UNC80: variants seen among roughly 807,000 people sequenced by gnomAD.
UNC80 encodes the protein unc-80 subunit of NALCN channel complex.
In UNC80, 164 loss-of-function variants were observed where a neutral mutation model predicts 384.6. The ratio of observed to expected loss-of-function variants is 0.43; its 90% CI spans 0.38 to 0.49. The LOEUF (loss-of-function observed/expected upper bound fraction) is 0.49, where lower values mean the gene tolerates loss of function less well. UNC80 is among the 20% of genes least tolerant of loss of function. The pLI, the probability that UNC80 is intolerant of heterozygous loss-of-function variation, is 0.00. For synonymous variants in UNC80, 1,486 were observed against 1,527.8 expected (o/e 0.97, Z 0.64); for missense variants, 3,330 against 4,143.0 (o/e 0.80, Z 5.39).
At chr2:209,830,425 A>G (rs1228583031) in intron 15 of UNC80, among the ~76,000 whole-genome samples, 1 of 152,192 alleles carries the variant, frequency 6.6e-6, no homozygotes, top group Non-Finnish European at 1.5e-5. Flanking sequence ...TTTTTAAACT[A>G]TTTGAGATAG....
intron 22 of UNC80, 21 bp downstream of exon 22, chr2:209,849,644 T>TC: frequency 6.5e-7 from 1 of 1,548,776 alleles, no homozygotes; most frequent in Non-Finnish European, 8.7e-7. Flanking sequence ...GAAAGAATTT[T>TC]CCCACCCTGC....
chr2:209,915,920 G>A (rs1376236927), intron 31 of UNC80, among the ~76,000 whole-genome samples: 2 of 151,978 alleles, frequency 1.3e-5, no homozygotes, highest in African/African-American at 2.4e-5. Flanking sequence ...TACTCAAGGT[G>A]GTGGATATTT....
At chr2:209,792,843 C>A (rs964852127) in intron 6 of UNC80, among the ~76,000 whole-genome samples, 33 of 152,288 alleles carry the variant, frequency 2.2e-4, no homozygotes, top group African/African-American at 7.7e-4. Flanking sequence ...CCTATACTTA[C>A]CTGTCTTGAG....
intron 20 of UNC80, among the ~76,000 whole-genome samples, chr2:209,841,357 T>TG (rs2081733782): frequency 6.6e-6 from 1 of 152,108 alleles, no homozygotes; most frequent in African/African-American, 2.4e-5. Context: ...TTGTTGTTGT[T>TG]TTTGTTTTGT....
intron 22 of UNC80, among the ~76,000 whole-genome samples, chr2:209,850,523 A>G (rs748305607): frequency 8.5e-5 from 13 of 152,130 alleles, no homozygotes; most frequent in Non-Finnish European, 1.6e-4. Flanking sequence ...AAGCCTTATA[A>G]TGTAATTCAT....
At chr2:209,880,537 T>C (rs1414987038) in intron 24 of UNC80, among the ~76,000 whole-genome samples, 1 of 152,226 alleles carries the variant, frequency 6.6e-6, no homozygotes, top group Non-Finnish European at 1.5e-5. Context: ...TTCACTGCCA[T>C]ATACATAGTC....
chr2:209,859,714 A>G (rs2083212221), intron 22 of UNC80, among the ~76,000 whole-genome samples: 1 of 152,120 alleles, frequency 6.6e-6, no homozygotes, highest in South Asian at 2.1e-4. Flanking sequence ...ACTTTTTAAT[A>G]ATCTCCACTC....
chr2:209,979,488 A>T (rs1278596580), intron 59 of UNC80, among the ~76,000 whole-genome samples: 1 of 152,228 alleles, frequency 6.6e-6, no homozygotes, highest in Non-Finnish European at 1.5e-5. Context: ...ACCAGCCGGT[A>T]TGTAAACCAG....
intron 26 of UNC80, among the ~76,000 whole-genome samples, chr2:209,892,903 C>G (rs368818110): frequency 1.3e-5 from 2 of 152,130 alleles, no homozygotes; most frequent in African/African-American, 4.8e-5. Flanking sequence ...GAAATTCCAT[C>G]CAGATGTGAA....
chr2:209,913,076 G>A (rs1264310378), intron 30 of UNC80, among the ~76,000 whole-genome samples: 1 of 152,142 alleles, frequency 6.6e-6, no homozygotes. Flanking sequence ...TTTATAAAAT[G>A]GGGGTTACAA....
chr2:209,819,013 A>G lies in UNC80; in HGVS notation c.1714A>G (p.Ile572Val), dbSNP rs2079948745. ...ATTAGTGCGATCTCAGATCTCCACC[A>G]TCACAGTTGCGACCTTCAATACCAC... is the stretch of plus-strand genomic sequence containing the variant. ...VKEVRSQISTITVATFNTTLA... is the reference protein window; with the variant it reads ...VKEVRSQISTVTVATFNTTLA... Residue 572 changes from isoleucine to valine, a missense_variant, in exon 12 of 65, where the codon ATC becomes GTC. By Grantham distance (29) the Ile-to-Val change is conservative. This residue lies in a region of UNC80 where 937 missense variants were observed against 1,026.8 expected (regional missense o/e 0.91). Transcript: ENST00000673920. The G allele has an allele frequency of 1.3e-6, 2 of 1,551,646 alleles. No homozygotes were observed. Among genetic ancestry groups the G allele is most frequent in the Non-Finnish European group, 1.7e-6 (2 of 1,146,916 alleles).
chr2:209,857,512 C>T (rs2083022155), intron 22 of UNC80, among the ~76,000 whole-genome samples: 2 of 151,746 alleles, frequency 1.3e-5, no homozygotes, highest in Admixed American at 1.3e-4. Flanking sequence ...CTAGATGTAC[C>T]AGTCATTTGT....
intron 18 of UNC80, among the ~76,000 whole-genome samples, chr2:209,837,803 G>C (rs181548479): frequency 6.9e-6 from 1 of 144,544 alleles, no homozygotes; most frequent in Admixed American, 7.1e-5. Flanking sequence ...ACGGAGTCTC[G>C]CTCTTTCGCC....
chr2:209,880,296 A>G (rs1204725390), intron 24 of UNC80, among the ~76,000 whole-genome samples: 2 of 152,242 alleles, frequency 1.3e-5, no homozygotes, highest in East Asian at 3.8e-4. Flanking sequence ...TCAAAGGTCA[A>G]TATTCTGCAG....
intron 2 of UNC80, 75 bp from the exon 3 acceptor site, chr2:209,775,814 C>T: frequency 6.7e-7 from 1 of 1,486,082 alleles, no homozygotes; most frequent in Non-Finnish European, 9.1e-7. Context: ...TTTCACTAAC[C>T]AGAATCTTCA....
At chr2:209,895,410 A>G (rs1185848295) in intron 27 of UNC80, among the ~76,000 whole-genome samples, 1 of 152,224 alleles carries the variant, frequency 6.6e-6, no homozygotes, top group African/African-American at 2.4e-5. Context: ...TTTAAAATAG[A>G]AAATGCTTCT....
chr2:209,992,332 T>G (rs2093407413), intron 62 of UNC80, 85 bp downstream of exon 62: 3 of 1,317,218 alleles, frequency 2.3e-6, no homozygotes, highest in Non-Finnish European at 3.2e-6. Context: ...TATTAAGATA[T>G]TTTGCTGCTG....
intron 38 of UNC80, 86 bp downstream of exon 38, chr2:209,931,140 A>C: frequency 9.7e-7 from 1 of 1,034,854 alleles, no homozygotes; most frequent in Non-Finnish European, 1.4e-6. Context: ...ATTTCCATTA[A>C]TTACATTACT....
chr2:209,810,553 C>T (rs1403186880), intron 7 of UNC80, among the ~76,000 whole-genome samples: 2 of 151,990 alleles, frequency 1.3e-5, no homozygotes, highest in African/African-American at 4.8e-5. Context: ...TAACAACCTC[C>T]CTCCTTCGTA....
Sources: allele counts gnomAD v4.1 joint callset (sites outside exome capture counted in the v4.1 genomes callset), GRCh38; gene constraint gnomAD v4.1.1; regional missense constraint gnomAD v4.1.1; transcripts MANE v1.5; gene names NCBI Gene and HGNC (gene_info 2026-07-23, HGNC 2026-07-21).